Variants in PDE4D observed in about 807,000 individuals in gnomAD.
The protein encoded by PDE4D is phosphodiesterase 4D.
Under a neutral mutation model 87.4 loss-of-function variants are expected in PDE4D, and 24 were observed. That is an observed-to-expected ratio of 0.27 (90% CI 0.20 to 0.39). PDE4D has a LOEUF of 0.39. PDE4D is among the 10% of genes least tolerant of loss of function. PDE4D has a pLI of 1.00. For missense variants in PDE4D, 714 were observed against 1,041.0 expected, an observed-to-expected ratio of 0.69 and a Z score of 4.32; for synonymous variants, 384 against 383.2, an observed-to-expected ratio of 1.00 and a Z score of -0.02.
At chr5:59,343,026 T>C (rs1779018802) in intron 1 of PDE4D, among the ~76,000 whole-genome samples, 1 of 151,800 alleles carries the variant, frequency 6.6e-6, no homozygotes. Flanking sequence ...TGCAGGTTTG[T>C]TACAATGGTA....
At chr5:59,315,025 C>T (rs1355298983) in intron 1 of PDE4D, among the ~76,000 whole-genome samples, 5 of 152,094 alleles carry the variant, frequency 3.3e-5, no homozygotes, top group Non-Finnish European at 7.4e-5. Flanking sequence ...AACTTTAGCT[C>T]GTGTGTGGGG....
At position 60,271,003 on chromosome 5, in the gene PDE4D, T is replaced by C. The variant is rs898153060; in HGVS notation, c.-89-85316A>G. Among the ~76,000 whole-genome samples the C allele has an allele frequency of 2.6e-5, 4 of 152,336 alleles. No individual in the cohort carries two copies. The East Asian group carries it at 7.7e-4, about 29-fold the overall frequency. ...ATAAAAGATGCAGATAGTGGCCATCTAGCAGAGAGGAAGTTGATGTTCTCT... is the reference window on the plus strand; with the variant it reads ...ATAAAAGATGCAGATAGTGGCCATCCAGCAGAGAGGAAGTTGATGTTCTCT... On this transcript the variant is annotated intron_variant, in intron 1 of 16. Coordinates refer to the PDE4D transcript ENST00000502484.
intron 1 of PDE4D, among the ~76,000 whole-genome samples, chr5:59,472,002 C>T (rs1455319134): frequency 6.6e-6 from 1 of 151,932 alleles, no homozygotes; most frequent in Non-Finnish European, 1.5e-5. Flanking sequence ...AATAGCCCTA[C>T]CAGAGGCAGG....
intron 1 of PDE4D, among the ~76,000 whole-genome samples, chr5:59,305,904 A>AG (rs1357837610): frequency 6.6e-6 from 1 of 152,128 alleles, no homozygotes; most frequent in Non-Finnish European, 1.5e-5. Context: ...TGTTAAGTCC[A>AG]TTTGTTCCAA....
chr5:59,284,211 T>C (rs1311133038), intron 1 of PDE4D, among the ~76,000 whole-genome samples: 1 of 152,182 alleles, frequency 6.6e-6, no homozygotes, highest in Non-Finnish European at 1.5e-5. Flanking sequence ...CATGCAAATC[T>C]CTAGATGTTC....
At chr5:59,100,298 C>T (rs1287023936) in intron 5 of PDE4D, among the ~76,000 whole-genome samples, 8 of 152,196 alleles carry the variant, frequency 5.3e-5, no homozygotes, top group East Asian at 1.9e-4. Context: ...CCTCTGTTTG[C>T]GCCCTACATA....
chr5:60,426,534 G>T lies in PDE4D; in HGVS notation c.-90+61408C>A, dbSNP rs187582919. On this transcript the variant is annotated intron_variant, in intron 1 of 16. Coordinates refer to the PDE4D transcript ENST00000502484. ...ATCACACACCAGGGCCTGTTGGGGG[G>T]TGTGGGGGGTGGGGGATGGATAGCA... Among the ~76,000 whole-genome samples the T allele has an allele frequency of 6.8e-3, 1,038 of 152,072 alleles. 12 individuals carry two copies. Among genetic ancestry groups the T allele is most frequent in the African/African-American group, 0.024 (985 of 41,482 alleles).
rs59942615 is a variant in PDE4D at position 59,320,173 on chromosome 5, C to T, written c.456-104205G>A. Among the ~76,000 whole-genome samples, 574 of 151,734 alleles carry T rather than the reference C, an allele frequency of 3.8e-3. 1 individual carries two copies. Among genetic ancestry groups the T allele is most frequent in the African/African-American group, 6.4e-3 (263 of 41,374 alleles). ...TGCAAAAAGTGTGTGTGTGTGCACG[C>T]GCATGCATGTGCGTGTGCAGGTGTG... On this transcript the variant is annotated intron_variant, in intron 1 of 14. Coordinates refer to ENST00000340635, the MANE Select transcript of PDE4D (RefSeq NM_001104631.2).
chr5:59,543,179 G>A (rs1319083534), intron 1 of PDE4D, among the ~76,000 whole-genome samples: 1 of 152,162 alleles, frequency 6.6e-6, no homozygotes, highest in Non-Finnish European at 1.5e-5. Flanking sequence ...AAATTATTCT[G>A]TACTCAGGTG....
intron 1 of PDE4D, among the ~76,000 whole-genome samples, chr5:59,783,232 T>A (rs988043102): frequency 6.6e-6 from 1 of 152,170 alleles, no homozygotes; most frequent in Non-Finnish European, 1.5e-5. Flanking sequence ...TTTTATAAAT[T>A]TCAGTGCCTG....
intron 2 of PDE4D, among the ~76,000 whole-genome samples, chr5:60,104,337 TACGTAA>T (rs1223421359): frequency 6.6e-6 from 1 of 152,110 alleles, no homozygotes; most frequent in Admixed American, 6.5e-5. Flanking sequence ...CAGGCTTGCT[TACGTAA>T]ACAAAGCAGC....
intron 1 of PDE4D, among the ~76,000 whole-genome samples, chr5:59,626,003 G>T (rs1830858087): frequency 6.6e-6 from 1 of 152,202 alleles, no homozygotes; most frequent in Admixed American, 6.5e-5. Context: ...CAGGAGAATG[G>T]CATGAACCCA....
In PDE4D at chr5:60,055,179, G is replaced by A. The variant is rs536177884; in HGVS notation, c.43-66462C>T. 7.2e-4 allele frequency among the ~76,000 whole-genome samples: 110 copies of A among 152,060 alleles called. 1 individual carries two copies. The highest frequency in any genetic ancestry group is 1.3e-3 in the African/African-American group (56 of 41,500). On this transcript the variant is annotated intron_variant, in intron 2 of 16. Transcript: ENST00000502484. ...GACAATATATCTTTTGATTTATCAT[G>A]ATTATTTATATGGTGTTATAGATTG...
intron 5 of PDE4D, among the ~76,000 whole-genome samples, chr5:59,080,564 C>T (rs1391650): frequency 0.66 from 99,748 of 152,004 alleles, 32,906 homozygotes; most frequent in East Asian, 0.81. Context: ...TACTCAAAAA[C>T]TGTGAAAAAC....
intron 1 of PDE4D, among the ~76,000 whole-genome samples, chr5:59,725,117 T>C (rs1756410176): frequency 1.3e-5 from 2 of 152,042 alleles, no homozygotes; most frequent in Admixed American, 1.3e-4. Flanking sequence ...CCATCTCCAT[T>C]GTCTACTTTG....
At chr5:59,685,764 G>A (rs1749763469) in intron 1 of PDE4D, among the ~76,000 whole-genome samples, 1 of 151,768 alleles carries the variant, frequency 6.6e-6, no homozygotes, top group South Asian at 2.1e-4. Flanking sequence ...GAGATGGAAA[G>A]CATGTGTGGG....
At chr5:59,240,025 T>C (rs1291434356) in intron 1 of PDE4D, among the ~76,000 whole-genome samples, 1 of 152,168 alleles carries the variant, frequency 6.6e-6, no homozygotes, top group Non-Finnish European at 1.5e-5. Flanking sequence ...AATAAGATGG[T>C]CTTAATTTTA....
intron 1 of PDE4D, among the ~76,000 whole-genome samples, chr5:59,329,842 C>T (rs1042231942): frequency 1.3e-5 from 2 of 152,116 alleles, no homozygotes; most frequent in African/African-American, 4.8e-5. Context: ...TGACATTTTA[C>T]ATTTATCTAT....
intron 1 of PDE4D, among the ~76,000 whole-genome samples, chr5:59,358,848 G>A (rs910432443): frequency 6.6e-6 from 1 of 152,098 alleles, no homozygotes; most frequent in Admixed American, 6.6e-5. Flanking sequence ...GTCCAGTGGT[G>A]TTTAAATTTT....
Sources: gnomAD v4.1 joint callset for allele counts (sites outside exome capture counted in the v4.1 genomes callset) on GRCh38, gnomAD v4.1.1 for gene constraint, MANE v1.5 for transcripts, NCBI Gene and HGNC (gene_info 2026-07-23, HGNC 2026-07-21) for gene names.